WARS2: variants seen among roughly 807,000 people sequenced by gnomAD.
WARS2 encodes tryptophanyl tRNA synthetase 2, mitochondrial, also known as tryptophan--tRNA ligase, mitochondrial.
In WARS2, 28 loss-of-function variants were observed where a neutral mutation model predicts 36.5. The ratio of observed to expected loss-of-function variants is 0.77; its 90% CI spans 0.57 to 1.05. The LOEUF is 1.05. Ranked by LOEUF, WARS2 falls within the 50% of genes least tolerant of loss-of-function variation. The probability of loss-of-function intolerance (pLI) is 0.00; values close to 1 mark genes in which losing one functional copy is unlikely to be tolerated. For missense variants in WARS2, 435 were observed against 456.8 expected, an observed-to-expected ratio of 0.95 and a Z score of 0.44; for synonymous variants, 174 against 178.4, an observed-to-expected ratio of 0.98 and a Z score of 0.20.
intron 1 of WARS2, among the ~76,000 whole-genome samples, chr1:119,129,023 G>C (rs1330206118): frequency 6.6e-6 from 1 of 152,160 alleles, no homozygotes; most frequent in Non-Finnish European, 1.5e-5. Flanking sequence ...CTGAAACACT[G>C]AAATTTCAAA....
At chr1:119,100,664 G>A (rs1228144893) in intron 1 of WARS2, among the ~76,000 whole-genome samples, 1 of 152,110 alleles carries the variant, frequency 6.6e-6, no homozygotes, top group Non-Finnish European at 1.5e-5. Flanking sequence ...GAACTGGGGG[G>A]GTTTTGTTTG....
chr1:119,137,022 G>A (rs367846786), intron 1 of WARS2, among the ~76,000 whole-genome samples: 33 of 152,296 alleles, frequency 2.2e-4, no homozygotes, highest in African/African-American at 7.2e-4. Context: ...GGTCATGAAG[G>A]AGAAAATGTA....
Position 119,051,762 on chromosome 1 carries a change from A to ATTT in WARS2, c.349-6103_349-6101dup, listed in dbSNP as rs527937756. ...TGATATGAGTTGGTATCTCGCTGTA[A>ATTT]TTTTTTTTTTTTTTTTTTTTTTTGA... On this transcript the variant is annotated intron_variant, in intron 2 of 5. Transcript: ENST00000235521. 5.4e-3 allele frequency among the ~76,000 whole-genome samples: 616 copies of ATTT among 114,190 alleles called. 7 individuals are homozygous for ATTT. The highest frequency in any genetic ancestry group is 7.0e-3 in the Non-Finnish European group (400 of 56,836). 74.9% of individuals were successfully genotyped at this position (114,190 alleles called of 152,430 possible).
chr1:119,131,228 T>C (rs1571405648), intron 1 of WARS2, among the ~76,000 whole-genome samples: 1 of 152,150 alleles, frequency 6.6e-6, no homozygotes, highest in African/African-American at 2.4e-5. Flanking sequence ...ATAATTGACA[T>C]TGCAAAAAGC....
chr1:119,068,817 TCTCTCTTA>T (rs1651074398), intron 2 of WARS2, among the ~76,000 whole-genome samples: 1 of 127,914 alleles, frequency 7.8e-6, no homozygotes, highest in African/African-American at 3.5e-5. Flanking sequence ...CGTGTCCCTC[TCTCTCTTA>T]CTCTCTCTCT....
At chr1:119,067,340 C>T (rs1650960089) in intron 2 of WARS2, among the ~76,000 whole-genome samples, 2 of 152,192 alleles carry the variant, frequency 1.3e-5, no homozygotes, top group Admixed American at 1.3e-4. Flanking sequence ...AGAAAAGTTT[C>T]TATTATACTT....
chr1:119,076,525 C>T lies in WARS2; in HGVS notation c.173G>A (p.Ser58Asn). 1.9e-6 allele frequency: 3 copies of T among 1,614,164 alleles called. No homozygotes were observed. The highest frequency in any genetic ancestry group is 8.5e-7 in the Non-Finnish European group (1 of 1,180,030). ...HLGNYLGAIE[S>N]WVRLQDEYDS... ...ATATTCATCCTGTAACCTCACCCAG[C>T]TCTCAATGGCTCCCAGGTAATTGCC... Residue 58 changes from serine to asparagine, a missense_variant, in exon 2 of 6, where the codon AGC (serine) becomes AAC (asparagine). Ser to Asn is a conservative substitution (Grantham distance 46). Coordinates refer to ENST00000235521, the MANE Select transcript of WARS2 (RefSeq NM_015836.4).
At chr1:119,069,916 CGTGAGGGCT>C (rs1308483244) in intron 2 of WARS2, among the ~76,000 whole-genome samples, 1 of 152,102 alleles carries the variant, frequency 6.6e-6, no homozygotes, top group African/African-American at 2.4e-5. Flanking sequence ...GAAGCAGAGA[CGTGAGGGCT>C]GGAGAAGGGT....
At chr1:119,107,878 T>C (rs1654355027) in intron 1 of WARS2, among the ~76,000 whole-genome samples, 1 of 152,108 alleles carries the variant, frequency 6.6e-6, no homozygotes, top group Admixed American at 6.6e-5. Context: ...CTGAGAGTTT[T>C]TATCATGAAT....
chr1:119,088,828 A>G (rs904847470), intron 1 of WARS2, among the ~76,000 whole-genome samples: 2 of 152,320 alleles, frequency 1.3e-5, no homozygotes, highest in African/African-American at 4.8e-5. Context: ...GTTCAACATC[A>G]GTAATGGATT....
chr1:119,101,186 T>C (rs1653834131), intron 1 of WARS2, among the ~76,000 whole-genome samples: 1 of 152,166 alleles, frequency 6.6e-6, no homozygotes, highest in African/African-American at 2.4e-5. Context: ...AAATGTATTG[T>C]ACTTGGATGA....
chr1:119,107,243 T>C (rs2101482544), intron 1 of WARS2, among the ~76,000 whole-genome samples: 1 of 152,262 alleles, frequency 6.6e-6, no homozygotes, highest in South Asian at 2.1e-4. Context: ...TATCTTCTCC[T>C]AGTCTGTGGT....
chr1:119,049,602 C>G (rs1649165121), intron 2 of WARS2, among the ~76,000 whole-genome samples: 1 of 152,316 alleles, frequency 6.6e-6, no homozygotes, highest in Non-Finnish European at 1.5e-5. Context: ...CTAACAGGTT[C>G]TCAAGCTCAA....
intron 2 of WARS2, chr1:119,064,794 G>A (rs1650696585): frequency 2.0e-5 from 3 of 152,342 alleles, no homozygotes; most frequent in African/African-American, 4.8e-5. Flanking sequence ...CCAGTCTCGG[G>A]TATATCTTTA....
intron 1 of WARS2, among the ~76,000 whole-genome samples, chr1:119,103,198 T>C (rs1404736994): frequency 2.0e-5 from 3 of 152,142 alleles, no homozygotes; most frequent in Non-Finnish European, 4.4e-5. Context: ...GGTTGGTTGG[T>C]TGTTTTGGTT....
At chr1:119,102,475 C>T (rs1455569436) in intron 1 of WARS2, among the ~76,000 whole-genome samples, 3 of 152,198 alleles carry the variant, frequency 2.0e-5, no homozygotes, top group African/African-American at 7.2e-5. Flanking sequence ...CTAAGATTAA[C>T]CCTTTCCCGC....
chr1:119,128,674 A>C (rs777245304), intron 1 of WARS2, among the ~76,000 whole-genome samples: 6 of 150,382 alleles, frequency 4.0e-5, no homozygotes, highest in Non-Finnish European at 7.4e-5. Context: ...TTCAGCTGAC[A>C]GTAATCCCAT....
intron 2 of WARS2, among the ~76,000 whole-genome samples, chr1:119,065,634 C>CA (rs55857499): frequency 0.07 from 6,366 of 91,158 alleles, 241 homozygotes; most frequent in East Asian, 0.13. Context: ...GACTCTGTCT[C>CA]AAAAAAAAAA....
intron 1 of WARS2, among the ~76,000 whole-genome samples, chr1:119,104,419 C>G (rs12035551): frequency 6.6e-6 from 1 of 151,066 alleles, no homozygotes; most frequent in East Asian, 1.9e-4. Flanking sequence ...CAACACATTT[C>G]TGATGAAAAA....
Sources: allele counts gnomAD v4.1 joint callset (sites outside exome capture counted in the v4.1 genomes callset), GRCh38; gene constraint gnomAD v4.1.1; transcripts MANE v1.5; gene names NCBI Gene and HGNC (gene_info 2026-07-23, HGNC 2026-07-21).